HMCN1: variants seen among roughly 807,000 people sequenced by gnomAD.
HMCN1 encodes hemicentin 1, also known as hemicentin-1.
HMCN1 carries 321 observed loss-of-function variants against 625.9 expected under a neutral mutation model. The ratio of observed to expected loss-of-function variants is 0.51; its 90% confidence interval spans 0.47 to 0.56. The LOEUF is 0.56. HMCN1 is among the 20% of genes least tolerant of loss of function. HMCN1 has a pLI of 0.00. For missense variants in HMCN1, 6,588 were observed against 6,887.3 expected (o/e 0.96, Z 1.54); for synonymous variants, 2,425 against 2,417.6 (o/e 1.00, Z -0.09).
chr1:185,884,924 T>G (rs1664539124), intron 4 of HMCN1, among the ~76,000 whole-genome samples: 1 of 152,056 alleles, frequency 6.6e-6, no homozygotes, highest in African/African-American at 2.4e-5. Flanking sequence ...AAAATATGAT[T>G]GTTTTGTATA....
rs187109431 is a variant in HMCN1 at position 185,846,364 on chromosome 1, T to C, written c.339+268T>C. ...GGCAGAGTTGAGTAGTTGTGGCAGA[T>C]TGGTCCCTTTAAGGAAAAAGTTTGC... On this transcript the variant is annotated intron_variant, in intron 2 of 106. Coordinates refer to ENST00000271588, the MANE Select transcript of HMCN1 (RefSeq NM_031935.3). Among the ~76,000 whole-genome samples the C allele has an allele frequency of 7.4e-4, 113 of 152,314 alleles. 1 individual carries two copies. The highest frequency in any genetic ancestry group is 4.1e-4 in the South Asian group (2 of 4,824).
chr1:186,000,672 A>G (rs1242961990), intron 26 of HMCN1, among the ~76,000 whole-genome samples: 1 of 151,898 alleles, frequency 6.6e-6, no homozygotes, highest in Non-Finnish European at 1.5e-5. Flanking sequence ...TATAAAACGT[A>G]CACATATAAT....
chr1:186,076,137 T>TAA (rs1658797210), intron 53 of HMCN1, among the ~76,000 whole-genome samples: 1 of 152,152 alleles, frequency 6.6e-6, no homozygotes, highest in African/African-American at 2.4e-5. Flanking sequence ...TGCTCCTTCC[T>TAA]GAGAGTGAGC....
At chr1:185,855,812 G>A (rs1662432281) in intron 2 of HMCN1, among the ~76,000 whole-genome samples, 1 of 152,164 alleles carries the variant, frequency 6.6e-6, no homozygotes, top group Non-Finnish European at 1.5e-5. Flanking sequence ...TGGAATTGTG[G>A]TCAGCAGTTC....
chr1:185,947,867 T>C (rs1166897523), intron 11 of HMCN1, among the ~76,000 whole-genome samples: 1 of 152,248 alleles, frequency 6.6e-6, no homozygotes, highest in Non-Finnish European at 1.5e-5. Context: ...TAAATCATTC[T>C]TAGTGAGATT....
At chr1:186,116,540 C>T (rs540105035) in intron 75 of HMCN1, among the ~76,000 whole-genome samples, 5 of 151,916 alleles carry the variant, frequency 3.3e-5, no homozygotes, top group Non-Finnish European at 7.4e-5. Flanking sequence ...TTGTCATTAG[C>T]CATCTGTCAA....
chr1:185,812,368 A>C (rs1322553915), intron 1 of HMCN1, among the ~76,000 whole-genome samples: 1 of 152,144 alleles, frequency 6.6e-6, no homozygotes, highest in Admixed American at 6.6e-5. Flanking sequence ...ACTTGACTTG[A>C]AAAAAATGAA....
chr1:186,043,836 G>A (rs1407145403), intron 40 of HMCN1, among the ~76,000 whole-genome samples: 5 of 152,060 alleles, frequency 3.3e-5, no homozygotes, highest in Non-Finnish European at 5.9e-5. Context: ...TTGGGAGGCC[G>A]AGGTGGGTGG....
At chr1:186,057,169 G>A (rs1301185088) in intron 45 of HMCN1, 65 bp from the exon 46 acceptor site, 1 of 1,250,810 alleles carries the variant, frequency 8.0e-7, no homozygotes, top group Admixed American at 1.7e-5. Context: ...ACAACATCAG[G>A]TATATCAAAT....
At chr1:186,111,753 A>G (rs1246433508) in intron 71 of HMCN1, among the ~76,000 whole-genome samples, 2 of 152,234 alleles carry the variant, frequency 1.3e-5, no homozygotes, top group Non-Finnish European at 2.9e-5. Context: ...ATACATACTT[A>G]AGAAATCACT....
At chr1:185,884,720 AG>A (rs1342632223) in intron 4 of HMCN1, among the ~76,000 whole-genome samples, 1 of 152,054 alleles carries the variant, frequency 6.6e-6, no homozygotes, top group African/African-American at 2.4e-5. Context: ...TGTTTGGGAA[AG>A]GTGATCACAC....
chr1:186,014,632 A>G (rs1222608954), intron 30 of HMCN1, among the ~76,000 whole-genome samples: 2 of 152,002 alleles, frequency 1.3e-5, no homozygotes, highest in Admixed American at 6.6e-5. Flanking sequence ...TTGGATGAGT[A>G]AAGTTGAGTG....
intron 97 of HMCN1, among the ~76,000 whole-genome samples, chr1:186,162,908 C>A (rs7524835): frequency 1.8e-4 from 28 of 152,260 alleles, no homozygotes; most frequent in African/African-American, 5.8e-4. Context: ...TCTCCAGCTG[C>A]GTGCTGGGAG....
In HMCN1 at chr1:185,983,929, T is replaced by C. The variant is rs865983688; in HGVS notation, c.2791-240T>C. ...ATGTCTATATCTTTCTTTTTTTAGC[T>C]TGTGCTTAACTCTCTGATAAATATT... On this transcript the variant is annotated intron_variant, in intron 18 of 106. Coordinates refer to ENST00000271588, the MANE Select transcript of HMCN1 (RefSeq NM_031935.3). Among the ~76,000 whole-genome samples the C allele has an allele frequency of 3.9e-5, 6 of 152,342 alleles. No homozygotes were observed. In the Middle Eastern group the frequency reaches 0.017, roughly 432 times the overall value.
At chr1:185,757,783 T>C (rs145131378) in intron 1 of HMCN1, among the ~76,000 whole-genome samples, 19 of 152,306 alleles carry the variant, frequency 1.2e-4, no homozygotes, top group African/African-American at 4.6e-4. Flanking sequence ...GAATGAATAG[T>C]GTTTTCTTCA....
chr1:186,114,157 G>A, intron 73 of HMCN1, 34 bp downstream of exon 73: 1 of 1,611,834 alleles, frequency 6.2e-7, no homozygotes, highest in Non-Finnish European at 8.5e-7. Context: ...AATGCTATAA[G>A]ACCTGAAATA....
chr1:186,135,386 C>T (rs573213116), intron 86 of HMCN1, among the ~76,000 whole-genome samples: 21 of 152,116 alleles, frequency 1.4e-4, no homozygotes, highest in Admixed American at 8.5e-4. Flanking sequence ...AATGCTGTTG[C>T]AATGGTTTCT....
At chr1:185,858,827 T>A in intron 2 of HMCN1, among the ~76,000 whole-genome samples, 1 of 151,666 alleles carries the variant, frequency 6.6e-6, no homozygotes, top group Non-Finnish European at 1.5e-5. Context: ...CACATTTCCA[T>A]TACTTCCAAT....
In HMCN1 at chr1:186,190,074, C is replaced by A; in HGVS notation, c.*196C>A. 1 of 633,332 alleles carries A rather than the reference C, an allele frequency of 1.6e-6. No individual in the cohort carries two copies. The highest frequency in any genetic ancestry group is 2.8e-6 in the Non-Finnish European group (1 of 362,358). 39.2% of individuals were successfully genotyped at this position (633,332 alleles called of 1,614,324 possible). On this transcript the variant is annotated 3_prime_UTR_variant, in exon 107 of 107. Coordinates refer to ENST00000271588, the MANE Select transcript of HMCN1 (RefSeq NM_031935.3). The stretch of plus-strand genomic sequence containing the variant: ...CCATGGTCATATCTTGAAGTATGGT[C>A]TAGAAAAGTCCCTTATTATTTTATT...
Sources: allele counts gnomAD v4.1 joint callset (sites outside exome capture counted in the v4.1 genomes callset), GRCh38; gene constraint gnomAD v4.1.1; transcripts MANE v1.5; gene names NCBI Gene and HGNC (gene_info 2026-07-23, HGNC 2026-07-21).